SLC15A4: variants seen among roughly 807,000 people sequenced by gnomAD.
The protein encoded by SLC15A4 is hPHT1.
In SLC15A4, 26 loss-of-function variants were observed where a neutral mutation model predicts 46.1. The ratio of observed to expected loss-of-function variants is 0.56; its 90% CI spans 0.41 to 0.78. The LOEUF is 0.78. SLC15A4 is among the 30% of genes least tolerant of loss of function. The pLI is 0.00. For missense variants in SLC15A4, 751 were observed against 755.7 expected (o/e 0.99, Z 0.07); for synonymous variants, 370 against 333.4 (o/e 1.11, Z -1.20).
Position 128,818,755 on chromosome 12 carries a change from C to T in SLC15A4, c.547-3685G>A, listed in dbSNP as rs140439405. 1.9e-3 allele frequency among the ~76,000 whole-genome samples: 290 copies of T among 152,296 alleles called. 1 individual carries two copies. The highest frequency in any genetic ancestry group is 3.4e-3 in the Middle Eastern group (1 of 294). On this transcript the variant is annotated intron_variant, in intron 1 of 7. Transcript: ENST00000266771. Reference sequence around the variant, plus strand: ...TCACACCAACAGGAACTCCTGTTCCCTTTAAGTCAGTCCCACGCCCCTCTC... The same window carrying T: ...TCACACCAACAGGAACTCCTGTTCCTTTTAAGTCAGTCCCACGCCCCTCTC...
At chr12:128,810,523 A>G (rs1018805483) in intron 2 of SLC15A4, among the ~76,000 whole-genome samples, 6 of 152,196 alleles carry the variant, frequency 3.9e-5, no homozygotes, top group Non-Finnish European at 8.8e-5. Context: ...AATGCACTGG[A>G]TTGTGTGAAT....
At chr12:128,821,990 G>A (rs115253935) in intron 1 of SLC15A4, among the ~76,000 whole-genome samples, 1,943 of 152,122 alleles carry the variant, frequency 0.013, 45 homozygotes, top group African/African-American at 0.044. Context: ...CAGCTGTAGT[G>A]CCTGCTCTGC....
chr12:128,817,981 T>C (rs1367295619), intron 1 of SLC15A4, among the ~76,000 whole-genome samples: 1 of 151,650 alleles, frequency 6.6e-6, no homozygotes, highest in African/African-American at 2.4e-5. Context: ...AAAATCAATT[T>C]GGAGAAGAAA....
chr12:128,819,852 G>GT (rs1566058744), intron 1 of SLC15A4: 2 of 152,226 alleles, frequency 1.3e-5, no homozygotes, highest in East Asian at 3.9e-4. Flanking sequence ...ATTTTAAGAA[G>GT]TATCAATTAC....
chr12:128,801,145 C>T, intron 5 of SLC15A4, 136 bp from the exon 6 acceptor site: 1 of 789,474 alleles, frequency 1.3e-6, no homozygotes, highest in Admixed American at 3.2e-5. Context: ...ATCACAGCTT[C>T]CCCCAGGACT....
chr12:128,799,437 G>A lies in SLC15A4; in HGVS notation c.1415-20C>T. ...CCAGGCCTGAGGAAAGAAAAGGGAG[G>A]GTCGTTTTTGTGAAAGGGGCACTTT... On this transcript the variant is annotated intron_variant, in intron 6 of 7. Coordinates refer to ENST00000266771, the MANE Select transcript of SLC15A4 (RefSeq NM_145648.4). 1 of 1,613,088 alleles carries A rather than the reference G, an allele frequency of 6.2e-7. No individual in the cohort carries two copies. Among genetic ancestry groups the A allele is most frequent in the Non-Finnish European group, 8.5e-7 (1 of 1,179,508 alleles).
rs1955896963 is a variant in SLC15A4 at position 128,823,888 on chromosome 12, C to T, written c.56G>A (p.Arg19Gln). 3 of 943,336 alleles carry T rather than the reference C, an allele frequency of 3.2e-6. No individual in the cohort carries two copies. Among genetic ancestry groups the T allele is most frequent in the African/African-American group, 3.6e-5 (2 of 55,778 alleles). The allele number at this position is 943,336 out of a possible 1,614,324, so 58.4% of individuals were successfully genotyped here. Residue 19 changes from arginine (R) to glutamine (Q), a missense_variant, in exon 1 of 8, where the codon CGG becomes CAG. Coordinates refer to ENST00000266771, the MANE Select transcript of SLC15A4 (RefSeq NM_145648.4). ...AGCCGCCGCCGCGGCCGCCGCCGCCCGCCGCGCGCCCAGCAGCGGCGCCCG... is the reference window on the plus strand; with the variant it reads ...AGCCGCCGCCGCGGCCGCCGCCGCCTGCCGCGCGCCCAGCAGCGGCGCCCG... ...GERAPLLGAR[R>Q]AAAAAAAAGA...
intron 3 of SLC15A4, 63 bp from the exon 4 acceptor site, chr12:128,809,536 C>A (rs1022896756): frequency 1.6e-5 from 16 of 992,848 alleles, no homozygotes; most frequent in Non-Finnish European, 2.3e-5. Context: ...CTCTAAGCAT[C>A]CTGCCCCTCC....
At chr12:128,797,392 G>GA in intron 7 of SLC15A4, among the ~76,000 whole-genome samples, 1 of 104,466 alleles carries the variant, frequency 9.6e-6, no homozygotes, top group South Asian at 3.2e-4. Flanking sequence ...TTTACCTTCT[G>GA]AGGGGGGCAG....
intron 5 of SLC15A4, chr12:128,801,231 T>C: frequency 2.3e-6 from 1 of 425,592 alleles, no homozygotes; most frequent in Non-Finnish European, 4.2e-6. Flanking sequence ...TCACTTCGGC[T>C]TTTTACAGCA....
At chr12:128,814,430 G>T (rs1034267228) in intron 2 of SLC15A4, 1 of 222,674 alleles carries the variant, frequency 4.5e-6, no homozygotes, top group Admixed American at 5.1e-5. Context: ...AAAATAAAAA[G>T]AAACATGTAT....
chr12:128,819,053 T>G (rs980238288), intron 1 of SLC15A4, among the ~76,000 whole-genome samples: 1 of 152,208 alleles, frequency 6.6e-6, no homozygotes, highest in African/African-American at 2.4e-5. Flanking sequence ...AAAAGTTGAA[T>G]TGCAAAATGC....
chr12:128,803,149 A>C (rs1251876148), intron 5 of SLC15A4, among the ~76,000 whole-genome samples: 2 of 152,194 alleles, frequency 1.3e-5, no homozygotes, highest in Non-Finnish European at 2.9e-5. Context: ...CCTTCAGATA[A>C]AAGTCATCCA....
chr12:128,794,571 G>A (rs1346401715), intron 7 of SLC15A4, among the ~76,000 whole-genome samples: 2 of 152,192 alleles, frequency 1.3e-5, no homozygotes, highest in African/African-American at 4.8e-5. Flanking sequence ...GGGGGCTCTG[G>A]AGGTGGGCTG....
Position 128,809,397 on chromosome 12 carries a change from G to A in SLC15A4, c.1088C>T (p.Thr363Met), listed in dbSNP as rs142880588. Residue 363 changes from threonine (T) to methionine (M), a missense_variant and splice_region_variant, in exon 4 of 8, where the codon ACG (threonine) becomes ATG (methionine). Coordinates refer to ENST00000266771, the MANE Select transcript of SLC15A4 (RefSeq NM_145648.4). ...EISNITTTPH[T>M]LPAAWLTMFD... ...TCAGATCATTACAATTGTTCTTACC[G>A]TGTGAGGAGTGGTTGTAATATTTGA... 2.0e-5 allele frequency: 31 copies of A among 1,585,114 alleles called. No individual in the cohort carries two copies. The highest frequency in any genetic ancestry group is 5.6e-5 in the South Asian group (5 of 89,432).
intron 4 of SLC15A4, chr12:128,809,186 T>C: frequency 1.7e-6 from 1 of 593,064 alleles, no homozygotes; most frequent in Non-Finnish European, 2.9e-6. Flanking sequence ...AAATACTAAG[T>C]AATGTTGAAT....
At chr12:128,797,039 T>TGG (rs1364409285) in intron 7 of SLC15A4, among the ~76,000 whole-genome samples, 1 of 152,120 alleles carries the variant, frequency 6.6e-6, no homozygotes, top group Non-Finnish European at 1.5e-5. Context: ...CGTGCATTCC[T>TGG]GGGCCTCTTC....
Position 128,823,626 on chromosome 12 carries a change from G to C in SLC15A4, c.318C>G (p.Ile106Met), listed in dbSNP as rs1394014358. The C allele has an allele frequency of 1.4e-6, 2 of 1,476,300 alleles. No homozygotes were observed. The highest frequency in any genetic ancestry group is 1.8e-6 in the Non-Finnish European group (2 of 1,118,324). 91.5% of individuals were successfully genotyped at this position (1,476,300 alleles called of 1,614,324 possible). ...GCAGGTAGAGCGCCAGGCTCAGCAG[G>C]ATGGCGCGCGCCCGGCCCAGCCGCG... is the stretch of plus-strand genomic sequence containing the variant. ...ADARLGRARA[I>M]LLSLALYLLG... The change falls in exon 1 of 8, where the codon ATC (isoleucine) becomes ATG (methionine). Residue 106 changes from isoleucine to methionine, a missense_variant. Transcript: ENST00000266771.
rs772892319 is a variant in SLC15A4 at position 128,814,783 on chromosome 12, C to G, written c.834G>C (p.Gln278His). ...CCSQKRSGER[Q>H]SNGEGIGVFQ... Reference sequence around the variant, plus strand: ...GAGAACTAAGTGCTTACCCATTACTCTGGCGCTCTCCACTTCGCTTCTGGG... The same window carrying G: ...GAGAACTAAGTGCTTACCCATTACTGTGGCGCTCTCCACTTCGCTTCTGGG... The change falls in exon 2 of 8, where the codon CAG (glutamine) becomes CAC (histidine). Residue 278 changes from glutamine (Q) to histidine (H), a missense_variant. Gln to His is a conservative substitution (Grantham distance 24). Coordinates refer to ENST00000266771, the MANE Select transcript of SLC15A4 (RefSeq NM_145648.4). 28 of 1,613,788 alleles carry G rather than the reference C, an allele frequency of 1.7e-5. No homozygotes were observed. The South Asian group carries it at 3.0e-4, about 17-fold the overall frequency.
Sources: gnomAD v4.1 joint callset for allele counts (sites outside exome capture counted in the v4.1 genomes callset) on GRCh38, gnomAD v4.1.1 for gene constraint, MANE v1.5 for transcripts, NCBI Gene and HGNC (gene_info 2026-07-23, HGNC 2026-07-21) for gene names.